RGL1: variants seen among roughly 807,000 people sequenced by gnomAD.
The protein encoded by RGL1 is ral guanine nucleotide dissociation stimulator like 1.
A neutral mutation model predicts 95.2 loss-of-function variants in RGL1; 24 were observed. That is an observed-to-expected ratio of 0.25 (90% confidence interval 0.18 to 0.35). The LOEUF (loss-of-function observed/expected upper bound fraction) is 0.35. RGL1 is among the 10% of genes least tolerant of loss of function. The pLI is 1.00. For synonymous variants in RGL1, 329 were observed against 344.9 expected (o/e 0.95, Z 0.51); for missense variants, 715 against 936.3 (o/e 0.76, Z 3.08).
rs10911447 is a variant in RGL1 at position 183,836,086 on chromosome 1, A to G, written c.139-11480A>G. On this transcript the variant is annotated intron_variant, in intron 2 of 17. Coordinates refer to ENST00000360851, the MANE Select transcript of RGL1 (RefSeq NM_001297671.3). ...CTTAAGTGGGAATAATTCCTACACTACAGGGTTGTTGTAAGGGTTGAGCAT... is the reference window on the plus strand; with the variant it reads ...CTTAAGTGGGAATAATTCCTACACTGCAGGGTTGTTGTAAGGGTTGAGCAT... 9.5e-4 allele frequency among the ~76,000 whole-genome samples: 144 copies of G among 152,316 alleles called. 1 individual carries two copies. In the East Asian group the frequency reaches 0.022, roughly 23 times the overall value.
At chr1:183,680,564 G>GT (rs1653144337) in intron 1 of RGL1, among the ~76,000 whole-genome samples, 1 of 152,140 alleles carries the variant, frequency 6.6e-6, no homozygotes, top group African/African-American at 2.4e-5. Flanking sequence ...GTACCATGCT[G>GT]TTTTGGTTAC....
chr1:183,640,245 A>T (rs77356661), intron 1 of RGL1, among the ~76,000 whole-genome samples: 1 of 152,178 alleles, frequency 6.6e-6, no homozygotes, highest in Non-Finnish European at 1.5e-5. Context: ...AGAGGAAGAG[A>T]TGCTGTTACT....
At chr1:183,658,380 T>TA (rs1251119603) in intron 1 of RGL1, among the ~76,000 whole-genome samples, 3 of 152,184 alleles carry the variant, frequency 2.0e-5, no homozygotes, top group African/African-American at 7.2e-5. Context: ...CCAACAGGCT[T>TA]AAAAAACGGC....
At chr1:183,897,091 T>G (rs1480225789) in intron 9 of RGL1, among the ~76,000 whole-genome samples, 1 of 152,242 alleles carries the variant, frequency 6.6e-6, no homozygotes, top group Non-Finnish European at 1.5e-5. Context: ...AATCACAAAA[T>G]GTACTGAGGA....
chr1:183,888,635 T>G, intron 8 of RGL1, 58 bp downstream of exon 8: 3 of 1,037,564 alleles, frequency 2.9e-6, no homozygotes, highest in Non-Finnish European at 4.6e-6. Flanking sequence ...GTGGTTGTGA[T>G]GAGTCCTCAC....
intron 1 of RGL1, among the ~76,000 whole-genome samples, chr1:183,708,807 G>A (rs972277344): frequency 2.0e-5 from 3 of 152,228 alleles, no homozygotes; most frequent in East Asian, 1.9e-4. Context: ...GGTGACTGGA[G>A]GCTGAGGAGC....
intron 16 of RGL1, among the ~76,000 whole-genome samples, chr1:183,919,226 G>A (rs2102751787): frequency 6.6e-6 from 1 of 152,286 alleles, no homozygotes; most frequent in South Asian, 2.1e-4. Context: ...TGAGTGAGAA[G>A]TGTGGCATTG....
At chr1:183,894,625 G>A (rs549237480) in intron 9 of RGL1, among the ~76,000 whole-genome samples, 5 of 152,104 alleles carry the variant, frequency 3.3e-5, no homozygotes, top group Non-Finnish European at 7.4e-5. Context: ...AAAAACTACC[G>A]GCCTCTGTTT....
intron 1 of RGL1, among the ~76,000 whole-genome samples, chr1:183,680,505 C>G (rs1429696463): frequency 6.6e-6 from 1 of 150,882 alleles, no homozygotes; most frequent in Non-Finnish European, 1.5e-5. Context: ...GGCGTTATTT[C>G]TGAGGCCTCT....
intron 1 of RGL1, among the ~76,000 whole-genome samples, chr1:183,734,546 C>G (rs1291485495): frequency 1.3e-5 from 2 of 152,156 alleles, no homozygotes; most frequent in African/African-American, 4.8e-5. Context: ...TTGCTATGAT[C>G]TAAATCAGCT....
intron 2 of RGL1, among the ~76,000 whole-genome samples, chr1:183,846,501 C>A (rs1367942171): frequency 6.7e-6 from 1 of 150,278 alleles, no homozygotes; most frequent in African/African-American, 2.5e-5. Context: ...ACCTATGTAA[C>A]AAACCTGCAT....
intron 2 of RGL1, among the ~76,000 whole-genome samples, chr1:183,758,807 G>A (rs891856734): frequency 6.6e-6 from 1 of 152,088 alleles, no homozygotes; most frequent in Non-Finnish European, 1.5e-5. Context: ...GTCCATAGTA[G>A]GACCCAGTTT....
At chr1:183,922,731 A>C (rs1336205954) in intron 17 of RGL1, among the ~76,000 whole-genome samples, 2 of 152,200 alleles carry the variant, frequency 1.3e-5, no homozygotes, top group Non-Finnish European at 2.9e-5. Context: ...TGTGAATCTG[A>C]AATTTAGTGG....
At chr1:183,719,780 C>G (rs528079904) in intron 1 of RGL1, among the ~76,000 whole-genome samples, 2 of 152,090 alleles carry the variant, frequency 1.3e-5, no homozygotes, top group Non-Finnish European at 2.9e-5. Context: ...GTGGCGCATG[C>G]CTGTAATTCC....
chr1:183,781,730 CT>C (rs1288161337), intron 2 of RGL1, among the ~76,000 whole-genome samples: 1 of 152,142 alleles, frequency 6.6e-6, no homozygotes, highest in African/African-American at 2.4e-5. Context: ...AATGATGTGT[CT>C]TAGAAATCTT....
At chr1:183,851,878 T>C (rs1230453348) in intron 3 of RGL1, among the ~76,000 whole-genome samples, 2 of 152,254 alleles carry the variant, frequency 1.3e-5, no homozygotes, top group Non-Finnish European at 2.9e-5. Context: ...TTTTAATGTC[T>C]ATAATTAAGA....
intron 1 of RGL1, among the ~76,000 whole-genome samples, chr1:183,666,215 G>C (rs1256875939): frequency 6.6e-6 from 1 of 151,936 alleles, no homozygotes; most frequent in African/African-American, 2.4e-5. Flanking sequence ...ATGTTGGTCA[G>C]GCTGGTCTCG....
chr1:183,808,780 T>C (rs1221582574), intron 2 of RGL1, among the ~76,000 whole-genome samples: 1 of 151,346 alleles, frequency 6.6e-6, no homozygotes, highest in Non-Finnish European at 1.5e-5. Context: ...TTTTTTAACA[T>C]GAGGAGACTA....
At chr1:183,865,941 TG>T (rs1665802494) in intron 3 of RGL1, 54 bp from the exon 4 acceptor site, 1 of 1,211,228 alleles carries the variant, frequency 8.3e-7, no homozygotes, top group East Asian at 2.3e-5. Context: ...TGAATAGAGT[TG>T]CTTTCCAACA....
Sources: gnomAD v4.1 joint callset for allele counts (sites outside exome capture counted in the v4.1 genomes callset) on GRCh38, gnomAD v4.1.1 for gene constraint, MANE v1.5 for transcripts, NCBI Gene and HGNC (gene_info 2026-07-23, HGNC 2026-07-21) for gene names.